HS3ST4: variants seen among roughly 807,000 people sequenced by gnomAD.
HS3ST4 encodes heparan sulfate glucosamine 3-O-sulfotransferase 4.
In HS3ST4, 17 loss-of-function variants were observed where a neutral mutation model predicts 29.2. The ratio of observed to expected loss-of-function variants is 0.58; its 90% CI spans 0.40 to 0.87. HS3ST4 has a LOEUF of 0.87. Among genes scored for constraint, HS3ST4 ranks in the 40% least tolerant of loss-of-function variants. The pLI, the probability that HS3ST4 is intolerant of heterozygous loss-of-function variation, is 0.00. For missense variants in HS3ST4, 627 were observed against 634.5 expected (o/e 0.99, Z 0.13); for synonymous variants, 314 against 285.7 (o/e 1.10, Z -1.00).
In HS3ST4 at chr16:25,788,591, A is replaced by G. The variant is rs371210708; in HGVS notation, c.734+95440A>G. On this transcript the variant is annotated intron_variant, in intron 1 of 1. Coordinates refer to ENST00000331351, the MANE Select transcript of HS3ST4 (RefSeq NM_006040.3). ...GGTCTTGGTCTGTTGCCCGGGCTGG[A>G]GTGCAGTGGCATGATCCTAGCTCAC... Among the ~76,000 whole-genome samples the G allele has an allele frequency of 7.7e-4, 89 of 116,164 alleles. 3 individuals carry two copies. In the South Asian group the frequency reaches 0.023, roughly 30 times the overall value. The allele number at this position is 116,164 out of a possible 152,430, so 76.2% of individuals were successfully genotyped here. A position where few individuals can be genotyped will look rare whatever the true frequency, so the allele number is the denominator to read the frequency against.
rs140524683 is a variant in HS3ST4 at position 25,764,709 on chromosome 16, A to G, written c.734+71558A>G. Among the ~76,000 whole-genome samples, 171 of 152,332 alleles carry G rather than the reference A, an allele frequency of 1.1e-3. 1 individual carries two copies. Among genetic ancestry groups the G allele is most frequent in the Admixed American group, 2.0e-3 (30 of 15,308 alleles). On this transcript the variant is annotated intron_variant, in intron 1 of 1. Transcript: ENST00000331351. ...ATCCAAATCAGTGCTAGCTTGATGG[A>G]TAGGAAAATGAAGGGAGAATAATGT...
At chr16:26,104,841 A>C (rs1899031193) in intron 1 of HS3ST4, among the ~76,000 whole-genome samples, 1 of 150,168 alleles carries the variant, frequency 6.7e-6, no homozygotes. Context: ...AGGAACCTTA[A>C]GCAGTCCTTG....
intron 1 of HS3ST4, among the ~76,000 whole-genome samples, chr16:26,012,757 G>A (rs1347405014): frequency 6.6e-6 from 1 of 152,162 alleles, no homozygotes; most frequent in African/African-American, 2.4e-5. Context: ...GCAGGTGTTT[G>A]ATAAATGCTC....
At chr16:26,000,692 A>G (rs888471125) in intron 1 of HS3ST4, among the ~76,000 whole-genome samples, 35 of 152,188 alleles carry the variant, frequency 2.3e-4, no homozygotes, top group African/African-American at 8.0e-4. Flanking sequence ...TCAGACAGTC[A>G]AGGTTCAATG....
At chr16:26,128,642 C>A (rs1267666725) in intron 1 of HS3ST4, among the ~76,000 whole-genome samples, 1 of 152,210 alleles carries the variant, frequency 6.6e-6, no homozygotes, top group East Asian at 1.9e-4. Flanking sequence ...ACACAATGAA[C>A]TTTCCAGCAT....
chr16:25,753,109 G>T (rs555641919), intron 1 of HS3ST4, among the ~76,000 whole-genome samples: 1 of 152,146 alleles, frequency 6.6e-6, no homozygotes, highest in African/African-American at 2.4e-5. Flanking sequence ...CTCTGCCAAG[G>T]GGAAGTCAGT....
At chr16:26,089,043 C>A (rs979539031) in intron 1 of HS3ST4, among the ~76,000 whole-genome samples, 1 of 152,174 alleles carries the variant, frequency 6.6e-6, no homozygotes, top group Non-Finnish European at 1.5e-5. Context: ...TAGAGTTGCT[C>A]CAGGGTTCCC....
chr16:25,845,794 A>G (rs947853429), intron 1 of HS3ST4, among the ~76,000 whole-genome samples: 5 of 151,880 alleles, frequency 3.3e-5, no homozygotes, highest in African/African-American at 4.8e-5. Context: ...GAAAAATGCT[A>G]TCTCACTGTT....
intron 1 of HS3ST4, among the ~76,000 whole-genome samples, chr16:26,052,043 T>A (rs546150435): frequency 1.4e-4 from 21 of 152,018 alleles, no homozygotes; most frequent in Non-Finnish European, 2.6e-4. Context: ...TATTTTGACC[T>A]GCTGGGTAAA....
At chr16:25,811,952 A>T (rs190572524) in intron 1 of HS3ST4, among the ~76,000 whole-genome samples, 7 of 152,164 alleles carry the variant, frequency 4.6e-5, no homozygotes, top group African/African-American at 1.7e-4. Flanking sequence ...AGGGTCAACA[A>T]CTGGCCCCCA....
chr16:26,072,387 T>C (rs182225652), intron 1 of HS3ST4, among the ~76,000 whole-genome samples: 19 of 152,288 alleles, frequency 1.2e-4, no homozygotes, highest in East Asian at 9.7e-4. Context: ...GTGATAGCTT[T>C]GGTGTGGGAC....
At chr16:25,758,062 A>G (rs1235969728) in intron 1 of HS3ST4, among the ~76,000 whole-genome samples, 1 of 152,104 alleles carries the variant, frequency 6.6e-6, no homozygotes, top group Non-Finnish European at 1.5e-5. Flanking sequence ...CTGTCATAGA[A>G]AGATTCCTCC....
At chr16:25,890,634 A>G (rs370873506) in intron 1 of HS3ST4, among the ~76,000 whole-genome samples, 2 of 152,186 alleles carry the variant, frequency 1.3e-5, no homozygotes, top group Admixed American at 6.5e-5. Flanking sequence ...TCTATGATCT[A>G]TCTTATCTTC....
chr16:25,753,610 G>C (rs1004254539), intron 1 of HS3ST4, among the ~76,000 whole-genome samples: 3 of 152,060 alleles, frequency 2.0e-5, no homozygotes, highest in African/African-American at 7.3e-5. Context: ...GTGTGTTCAA[G>C]ATCACTTAGT....
intron 1 of HS3ST4, among the ~76,000 whole-genome samples, chr16:26,027,761 A>G (rs997950827): frequency 6.6e-6 from 1 of 152,188 alleles, no homozygotes; most frequent in East Asian, 1.9e-4. Flanking sequence ...ATTAATCCTG[A>G]TGTAACAGAA....
chr16:25,843,052 T>G (rs1436898747), intron 1 of HS3ST4, among the ~76,000 whole-genome samples: 1 of 152,264 alleles, frequency 6.6e-6, no homozygotes, highest in Non-Finnish European at 1.5e-5. Context: ...CCCATAGGAA[T>G]ATTTTCTTCT....
At chr16:26,059,177 G>A (rs1444246589) in intron 1 of HS3ST4, among the ~76,000 whole-genome samples, 1 of 152,126 alleles carries the variant, frequency 6.6e-6, no homozygotes, top group Non-Finnish European at 1.5e-5. Flanking sequence ...TGGAGGCGAG[G>A]GAGAGGTCTT....
At position 25,976,923 on chromosome 16, in the gene HS3ST4, A is replaced by G. The variant is rs1324679648; in HGVS notation, c.735-158689A>G. On this transcript the variant is annotated intron_variant, in intron 1 of 1. Coordinates refer to ENST00000331351, the MANE Select transcript of HS3ST4 (RefSeq NM_006040.3). ...TTCTCTGAAATGTAAATTGCATGTA[A>G]TTTTCACGTCGCAAAATATTTGTGT... is the stretch of plus-strand genomic sequence containing the variant. Among the ~76,000 whole-genome samples, 5 of 25,332 alleles carry G rather than the reference A, an allele frequency of 2.0e-4. No homozygotes were observed. The Admixed American group carries it at 3.3e-3, about 16-fold the overall frequency. The allele number at this position is 25,332 out of a possible 152,430, so 16.6% of individuals were successfully genotyped here.
chr16:25,993,949 CGT>C (rs56226178), intron 1 of HS3ST4, among the ~76,000 whole-genome samples: 20,002 of 120,302 alleles, frequency 0.17, 1,424 homozygotes, highest in Non-Finnish European at 0.18. Flanking sequence ...CACATAACCT[CGT>C]GTGTGTGTGT....
Sources: allele counts gnomAD v4.1 joint callset (sites outside exome capture counted in the v4.1 genomes callset), GRCh38; gene constraint gnomAD v4.1.1; transcripts MANE v1.5; gene names NCBI Gene and HGNC (gene_info 2026-07-23, HGNC 2026-07-21).